CNOT8: variants seen among roughly 807,000 people sequenced by gnomAD.
The protein encoded by CNOT8 is CAF1-like protein.
A neutral mutation model predicts 34.6 loss-of-function variants in CNOT8; 18 were observed. The observed-to-expected ratio is 0.52, with a 90% confidence interval of 0.36 to 0.77. The LOEUF (loss-of-function observed/expected upper bound fraction) is 0.77. Among genes scored for constraint, CNOT8 ranks in the 30% least tolerant of loss-of-function variants. The probability of loss-of-function intolerance (pLI) is 0.00; values close to 1 mark genes in which losing one functional copy is unlikely to be tolerated. For missense variants in CNOT8, 189 were observed against 347.9 expected (o/e 0.54, Z 3.63); for synonymous variants, 101 against 118.8 (o/e 0.85, Z 0.98).
chr5:154,869,440 T>TC, intron 3 of CNOT8, among the ~76,000 whole-genome samples: 1 of 150,308 alleles, frequency 6.7e-6, no homozygotes, highest in East Asian at 2.0e-4. Context: ...TTTTTTTTTT[T>TC]TTTTAAGTTT....
chr5:154,867,702 G>T, intron 3 of CNOT8: 1 of 279,776 alleles, frequency 3.6e-6, no homozygotes, highest in East Asian at 1.5e-4. Flanking sequence ...ATATAAGAAA[G>T]AAAAAGTCAA....
intron 3 of CNOT8, among the ~76,000 whole-genome samples, chr5:154,868,535 A>G (rs1762149969): frequency 6.6e-6 from 1 of 151,892 alleles, no homozygotes; most frequent in Non-Finnish European, 1.5e-5. Flanking sequence ...AAGTGCTGGG[A>G]TTACATACAG....
chr5:154,863,035 ATGTG>A (rs371515354), intron 1 of CNOT8, among the ~76,000 whole-genome samples, 168 bp from the exon 2 acceptor site: 2 of 151,412 alleles, frequency 1.3e-5, no homozygotes, highest in African/African-American at 2.4e-5. Context: ...GCGTGTGTGC[ATGTG>A]TGTGTGTGTG....
rs200072532 is a variant in CNOT8, at chr5:154,865,336, T to C, written c.262T>C (p.Tyr88His). 6.2e-7 allele frequency: 1 copy of C among 1,609,872 alleles called. No individual in the cohort carries two copies. Among genetic ancestry groups the C allele is most frequent in the East Asian group, 2.2e-5 (1 of 44,832 alleles). ...TACATTCACAAATGAGAAGGGAGAG[T>C]ATCCTTCTGGAATCAATACTTGGCA... Reference protein sequence around the residue: ...GLTFTNEKGEYPSGINTWQFN... With the variant: ...GLTFTNEKGEHPSGINTWQFN... Residue 88 changes from tyrosine (Y) to histidine (H), a missense_variant, in exon 3 of 7, where the codon TAT (tyrosine) becomes CAT (histidine). Tyr to His is a moderately conservative substitution (Grantham distance 83, BLOSUM62 2). Transcript: ENST00000285896.
At chr5:154,868,161 AC>A (rs997441244) in intron 3 of CNOT8, among the ~76,000 whole-genome samples, 2 of 149,962 alleles carry the variant, frequency 1.3e-5, no homozygotes, top group Non-Finnish European at 1.5e-5. Flanking sequence ...CTGGTCTCGA[AC>A]TCCTGACCTT....
At chr5:154,869,850 C>T (rs1408053430) in intron 3 of CNOT8, among the ~76,000 whole-genome samples, 1 of 152,074 alleles carries the variant, frequency 6.6e-6, no homozygotes, top group African/African-American at 2.4e-5. Flanking sequence ...GTCTTGATCT[C>T]TTGACCTCGT....
chr5:154,864,666 C>T (rs1157469926), intron 2 of CNOT8, among the ~76,000 whole-genome samples: 2 of 152,152 alleles, frequency 1.3e-5, no homozygotes, highest in Middle Eastern at 3.2e-3. Flanking sequence ...TCAACTCTTT[C>T]TATTGACATT....
Position 154,876,129 on chromosome 5 carries a change from A to G in CNOT8, c.*690A>G, listed in dbSNP as rs1762907881. Reference sequence around the variant, plus strand: ...CAGAATGAGTGTTGACCACTGAAGCATCTTTTAAGTCTGTGTTCCATTGTG... The same window carrying G: ...CAGAATGAGTGTTGACCACTGAAGCGTCTTTTAAGTCTGTGTTCCATTGTG... On this transcript the variant is annotated 3_prime_UTR_variant, in exon 7 of 7. Coordinates refer to ENST00000285896, the MANE Select transcript of CNOT8 (RefSeq NM_001301073.2). 6.6e-6 allele frequency: 1 copy of G among 152,240 alleles called. No homozygotes were observed. Among genetic ancestry groups the G allele is most frequent in the African/African-American group, 2.4e-5 (1 of 41,452 alleles). The allele number at this position is 152,240 out of a possible 1,614,324, so 9.4% of individuals were successfully genotyped here. A position where few individuals can be genotyped will look rare whatever the true frequency, so the allele number is the denominator to read the frequency against.
intron 1 of CNOT8, among the ~76,000 whole-genome samples, chr5:154,861,393 A>C (rs866314052): frequency 6.6e-6 from 1 of 152,226 alleles, no homozygotes; most frequent in African/African-American, 2.4e-5. Context: ...CTGTGGAAGT[A>C]TAGGATACCT....
In CNOT8 at chr5:154,865,219, C is replaced by T. The variant is rs754392052; in HGVS notation, c.145C>T (p.Arg49Ter). 1.9e-6 allele frequency: 3 copies of T among 1,600,360 alleles called. No individual in the cohort carries two copies. Among genetic ancestry groups the T allele is most frequent in the Non-Finnish European group, 2.6e-6 (3 of 1,175,230 alleles). Residue 49 changes from arginine to a stop codon, truncating the protein, a stop_gained, in exon 3 of 7, where the codon CGA becomes TGA. Coordinates refer to ENST00000285896, the MANE Select transcript of CNOT8 (RefSeq NM_001301073.2). LOFTEE classifies it high-confidence loss of function. ...MDTEFPGVVV[R>*]PIGEFRSSID... Reference sequence around the variant, plus strand: ...CACAGAATTTCCAGGTGTTGTGGTGCGACCAATTGGTGAATTTCGTAGTTC... The same window carrying T: ...CACAGAATTTCCAGGTGTTGTGGTGTGACCAATTGGTGAATTTCGTAGTTC...
intron 3 of CNOT8, among the ~76,000 whole-genome samples, chr5:154,868,536 TTACA>T (rs201563991): frequency 0.012 from 1,840 of 152,278 alleles, 39 homozygotes; most frequent in African/African-American, 0.042. Context: ...AGTGCTGGGA[TTACA>T]TACAGTTGTG....
intron 6 of CNOT8, among the ~76,000 whole-genome samples, chr5:154,875,043 A>G (rs1762819607): frequency 6.6e-6 from 1 of 151,674 alleles, no homozygotes; most frequent in African/African-American, 2.4e-5. Context: ...CAGCCTCCCA[A>G]GTAGCTGGGA....
intron 3 of CNOT8, among the ~76,000 whole-genome samples, chr5:154,868,888 C>T (rs1341558018): frequency 2.0e-5 from 3 of 152,188 alleles, no homozygotes; most frequent in Non-Finnish European, 4.4e-5. Context: ...TGTTAAGTTT[C>T]ATCCTTAGCT....
intron 3 of CNOT8, 53 bp from the exon 4 acceptor site, chr5:154,870,608 A>G (rs777666451): frequency 7.6e-6 from 11 of 1,445,352 alleles, no homozygotes; most frequent in African/African-American, 7.0e-5. Context: ...TAGTGTGGCC[A>G]CTACTTCTGT....
At chr5:154,872,172 A>G (rs1202572728) in intron 5 of CNOT8, among the ~76,000 whole-genome samples, 5 of 152,256 alleles carry the variant, frequency 3.3e-5, no homozygotes, top group Non-Finnish European at 1.5e-5. Flanking sequence ...GTGGTATAAC[A>G]GATTCTTAGA....
chr5:154,862,026 A>C (rs1472713563), intron 1 of CNOT8, among the ~76,000 whole-genome samples: 1 of 152,058 alleles, frequency 6.6e-6, no homozygotes, highest in Non-Finnish European at 1.5e-5. Flanking sequence ...CAGGCCTTGT[A>C]CGTTGTTTGC....
chr5:154,863,081 G>A (rs1043350392), intron 1 of CNOT8, 126 bp from the exon 2 acceptor site: 7 of 502,232 alleles, frequency 1.4e-5, no homozygotes, highest in Non-Finnish European at 2.5e-5. Context: ...ATAAAATGGA[G>A]AATAAATATA....
intron 1 of CNOT8, among the ~76,000 whole-genome samples, chr5:154,862,192 G>T (rs1270295081): frequency 6.6e-6 from 1 of 152,126 alleles, no homozygotes; most frequent in Non-Finnish European, 1.5e-5. Flanking sequence ...TCCTACTGTT[G>T]AATTGCTGCA....
In CNOT8 at chr5:154,875,377, G is replaced by T; in HGVS notation, c.817G>T (p.Asp273Tyr). Residue 273 changes from aspartate (D) to tyrosine (Y), a missense_variant, in exon 7 of 7, where the codon GAT becomes TAT. Asp to Tyr is a radical substitution (Grantham distance 160). Transcript: ENST00000285896. The part of the protein sequence containing the change: ...GTGVAQKQNE[D>Y]VDSAQEKMSI... ...AGGAGTGGCCCAGAAGCAGAATGAG[G>T]ATGTGGACTCTGCCCAGGAGAAGAT... 1 of 1,614,112 alleles carries T rather than the reference G, an allele frequency of 6.2e-7. No individual in the cohort carries two copies. The highest frequency in any genetic ancestry group is 2.2e-5 in the East Asian group (1 of 44,882).
Sources: gnomAD v4.1 joint callset for allele counts (sites outside exome capture counted in the v4.1 genomes callset) on GRCh38, gnomAD v4.1.1 for gene constraint, MANE v1.5 for transcripts, NCBI Gene and HGNC (gene_info 2026-07-23, HGNC 2026-07-21) for gene names.